TRIM37: variants seen among roughly 807,000 people sequenced by gnomAD.
The protein encoded by TRIM37 is tripartite motif containing 37, also known as E3 ubiquitin-protein ligase TRIM37.
A neutral mutation model predicts 129.8 loss-of-function variants in TRIM37; 80 were observed. The observed-to-expected ratio is 0.62, with a 90% CI of 0.51 to 0.74. The LOEUF (loss-of-function observed/expected upper bound fraction) is 0.74. Among genes scored for constraint, TRIM37 ranks in the 30% least tolerant of loss-of-function variants. TRIM37 has a pLI of 0.00. For synonymous variants in TRIM37, 389 were observed against 387.1 expected, an observed-to-expected ratio of 1.00 and a Z score of -0.06; for missense variants, 1,054 against 1,176.5, an observed-to-expected ratio of 0.90 and a Z score of 1.52.
downstream of TRIM37, among the ~76,000 whole-genome samples, chr17:58,977,714 T>C (rs914961313): frequency 7.2e-5 from 11 of 152,188 alleles, no homozygotes; most frequent in Non-Finnish European, 1.5e-5. Context: ...TCTAGCCTAT[T>C]TGAGGATTAA....
intron 5 of TRIM37, 104 bp downstream of exon 5, chr17:59,083,898 C>T (rs2147120906): frequency 1.1e-6 from 1 of 938,978 alleles, no homozygotes; most frequent in Non-Finnish European, 1.7e-6. Context: ...TGCATTTTAA[C>T]TTTCATTCTA....
At chr17:59,024,806 A>G (rs1399147386) in intron 19 of TRIM37, among the ~76,000 whole-genome samples, 1 of 152,276 alleles carries the variant, frequency 6.6e-6, no homozygotes, top group Non-Finnish European at 1.5e-5. Flanking sequence ...ATTAACAGGC[A>G]GGAGCCATGG....
At chr17:58,997,334 AG>A (rs2033112298), downstream of TRIM37, among the ~76,000 whole-genome samples, 1 of 152,214 alleles carries the variant, frequency 6.6e-6, no homozygotes, top group Non-Finnish European at 1.5e-5. Flanking sequence ...AATAATCTTT[AG>A]GTTTTAAATT....
intron 15 of TRIM37, 55 bp downstream of exon 15, chr17:59,049,123 T>C (rs563237364): frequency 3.5e-6 from 5 of 1,413,012 alleles, no homozygotes; most frequent in South Asian, 3.5e-5. Context: ...AAAGCCATGA[T>C]GCTACTGTTT....
intron 17 of TRIM37, among the ~76,000 whole-genome samples, chr17:59,040,617 T>C (rs529437089): frequency 3.3e-5 from 5 of 152,166 alleles, no homozygotes; most frequent in South Asian, 2.1e-4. Context: ...AATCAGCATA[T>C]AGACAGTAAC....
intron 2 of TRIM37, among the ~76,000 whole-genome samples, chr17:59,093,835 T>C (rs2044619212): frequency 6.6e-6 from 1 of 152,222 alleles, no homozygotes; most frequent in Non-Finnish European, 1.5e-5. Context: ...TCCCAGGCTA[T>C]AGTGAGTTTT....
At chr17:59,060,815 G>T (rs1056753979) in intron 12 of TRIM37, among the ~76,000 whole-genome samples, 1 of 152,152 alleles carries the variant, frequency 6.6e-6, no homozygotes, top group Non-Finnish European at 1.5e-5. Context: ...TTCTAAGCCA[G>T]ATAGTAAAGA....
the TRIM37 span, among the ~76,000 whole-genome samples, chr17:58,976,171 T>C: frequency 1.3e-5 from 2 of 152,062 alleles, no homozygotes; most frequent in African/African-American, 2.4e-5. Context: ...AGAGGAGAAA[T>C]TGAAGACGAG....
At chr17:59,099,160 C>T (rs560073937) in intron 2 of TRIM37, among the ~76,000 whole-genome samples, 3 of 151,892 alleles carry the variant, frequency 2.0e-5, no homozygotes, top group Admixed American at 1.3e-4. Context: ...TCCAGCCTGG[C>T]GACAGAGCGA....
chr17:59,027,884 G>T (rs74459956), intron 19 of TRIM37, among the ~76,000 whole-genome samples: 1 of 151,952 alleles, frequency 6.6e-6, no homozygotes, highest in Non-Finnish European at 1.5e-5. Context: ...CTTCAAATAC[G>T]CAAAATAAAT....
At chr17:59,014,707 A>T (rs1211964625) in intron 21 of TRIM37, among the ~76,000 whole-genome samples, 9 of 151,070 alleles carry the variant, frequency 6.0e-5, no homozygotes, top group Middle Eastern at 6.8e-3. Flanking sequence ...CAAGTGTAGG[A>T]TAGACTGAAA....
chr17:59,088,239 C>T (rs1387971270), intron 4 of TRIM37, 52 bp downstream of exon 4: 1 of 1,208,716 alleles, frequency 8.3e-7, no homozygotes, highest in Admixed American at 1.7e-5. Context: ...TGTCATTAAA[C>T]AATACAAAGG....
At chr17:58,987,620 G>A (rs555540787) in intron 24 of TRIM37, among the ~76,000 whole-genome samples, 1 of 152,270 alleles carries the variant, frequency 6.6e-6, no homozygotes, top group African/African-American at 2.4e-5. Context: ...GACTATGAAG[G>A]CATGTATTGG....
chr17:59,027,157 CTATGACATTT>C (rs1332771411), intron 19 of TRIM37, among the ~76,000 whole-genome samples: 3 of 152,268 alleles, frequency 2.0e-5, no homozygotes, highest in African/African-American at 7.2e-5. Context: ...ATTCACGTGT[CTATGACATTT>C]TACTAGGATA....
At chr17:59,012,822 G>C (rs909604354) in intron 21 of TRIM37, among the ~76,000 whole-genome samples, 1 of 151,582 alleles carries the variant, frequency 6.6e-6, no homozygotes, top group African/African-American at 2.4e-5. Flanking sequence ...GTTGCAGTGA[G>C]CCGAGGTTGC....
At chr17:59,075,364 C>T (rs925785707) in intron 8 of TRIM37, among the ~76,000 whole-genome samples, 3 of 151,834 alleles carry the variant, frequency 2.0e-5, no homozygotes, top group Non-Finnish European at 4.4e-5. Context: ...GAGATCGAGA[C>T]CATCCCAGCT....
intron 1 of TRIM37, 174 bp from the exon 2 acceptor site, chr17:59,104,568 A>T (rs1481777223): frequency 1.3e-6 from 1 of 768,330 alleles, no homozygotes; most frequent in Admixed American, 1.7e-5. Flanking sequence ...ACATCTGGAA[A>T]ATGTACTCCC....
chr17:59,080,066 A>G (rs775751935), intron 6 of TRIM37, among the ~76,000 whole-genome samples, 189 bp from the exon 7 acceptor site: 4 of 152,242 alleles, frequency 2.6e-5, no homozygotes, highest in Non-Finnish European at 2.9e-5. Flanking sequence ...TTCTGCATAA[A>G]GAATGTTATA....
intron 7 of TRIM37, 92 bp downstream of exon 7, chr17:59,079,662 C>G: frequency 1.3e-6 from 2 of 1,517,234 alleles, no homozygotes. Flanking sequence ...TCTCAAGATT[C>G]CTTCCTAGGA....
Sources: gnomAD v4.1 joint callset for allele counts (sites outside exome capture counted in the v4.1 genomes callset) on GRCh38, gnomAD v4.1.1 for gene constraint, MANE v1.5 for transcripts, NCBI Gene and HGNC (gene_info 2026-07-23, HGNC 2026-07-21) for gene names.